Variants in PDE4D observed in about 807,000 individuals in gnomAD.
PDE4D encodes the protein phosphodiesterase 4D, also known as 3',5'-cyclic-AMP phosphodiesterase 4D.
A neutral mutation model predicts 87.4 loss-of-function variants in PDE4D; 24 were observed. The ratio of observed to expected loss-of-function variants is 0.27; its 90% CI spans 0.20 to 0.39. The LOEUF is 0.39. Ranked by LOEUF, PDE4D falls within the 10% of genes least tolerant of loss-of-function variation. The pLI is 1.00. For synonymous variants in PDE4D, 384 were observed against 383.2 expected (o/e 1.00, Z -0.02); for missense variants, 714 against 1,041.0 (o/e 0.69, Z 4.32).
At chr5:60,322,396 ACACACACACACACAC>A (rs1756375815) in intron 1 of PDE4D, among the ~76,000 whole-genome samples, 6 of 150,772 alleles carry the variant, frequency 4.0e-5, no homozygotes, top group Non-Finnish European at 7.4e-5. Flanking sequence ...ACACACACAC[ACACACACACACACAC>A]ACACAAAACC....
intron 4 of PDE4D, among the ~76,000 whole-genome samples, chr5:59,183,342 T>G (rs1351987647): frequency 6.6e-6 from 1 of 152,138 alleles, no homozygotes; most frequent in Non-Finnish European, 1.5e-5. Flanking sequence ...ATTTTCTGTT[T>G]TCTTCTAGCT....
chr5:60,395,163 T>A (rs953574613), intron 1 of PDE4D, among the ~76,000 whole-genome samples: 3 of 152,134 alleles, frequency 2.0e-5, no homozygotes, highest in Non-Finnish European at 2.9e-5. Context: ...CTGAGTTGCA[T>A]AAACCACCCC....
In PDE4D at chr5:60,185,563, GCTCCGAGAAAGCAA is replaced by G; in HGVS notation, c.22_35del (p.Leu8GlnfsTer5). ...GAAAACAAAAGTTACTTACACTTTT[GCTCCGAGAAAGCAA>G]ATCACAGGTATTTCTTTTCATCGTG... On this transcript the variant is annotated frameshift_variant, in exon 2 of 17. Coordinates refer to the PDE4D transcript ENST00000502484. LOFTEE classifies it high-confidence loss of function. 1 of 1,527,636 alleles carries G rather than the reference GCTCCGAGAAAGCAA, an allele frequency of 6.5e-7. No homozygotes were observed. Among genetic ancestry groups the G allele is most frequent in the South Asian group, 1.2e-5 (1 of 83,638 alleles). 94.6% of individuals were successfully genotyped at this position (1,527,636 alleles called of 1,614,324 possible).
intron 1 of PDE4D, among the ~76,000 whole-genome samples, chr5:59,484,254 T>C (rs770009604): frequency 6.6e-6 from 1 of 152,198 alleles, no homozygotes; most frequent in Admixed American, 6.5e-5. Flanking sequence ...CCAAGCCAAA[T>C]GTTTTCATCT....
At chr5:59,021,356 T>C (rs1251143580) in intron 6 of PDE4D, among the ~76,000 whole-genome samples, 1 of 152,188 alleles carries the variant, frequency 6.6e-6, no homozygotes, top group Non-Finnish European at 1.5e-5. Context: ...ATATGCAAGC[T>C]GGTAAGGTCT....
intron 1 of PDE4D, among the ~76,000 whole-genome samples, chr5:59,414,722 C>CAACAA (rs1793291770): frequency 6.6e-6 from 1 of 152,098 alleles, no homozygotes; most frequent in Admixed American, 6.6e-5. Flanking sequence ...ATCGAACAAA[C>CAACAA]AACAAAACAA....
At chr5:60,002,153 G>A (rs1460259724) in intron 2 of PDE4D, among the ~76,000 whole-genome samples, 1 of 151,844 alleles carries the variant, frequency 6.6e-6, no homozygotes, top group Non-Finnish European at 1.5e-5. Context: ...CTCATATTGG[G>A]ACAATAAGAG....
chr5:59,688,863 C>A (rs529744160), intron 1 of PDE4D, among the ~76,000 whole-genome samples: 2 of 151,898 alleles, frequency 1.3e-5, no homozygotes, highest in Admixed American at 1.3e-4. Flanking sequence ...ATCAAATAGA[C>A]GCAATAAAAA....
At chr5:59,616,178 C>G (rs1235142472) in intron 1 of PDE4D, among the ~76,000 whole-genome samples, 1 of 151,652 alleles carries the variant, frequency 6.6e-6, no homozygotes, top group African/African-American at 2.4e-5. Flanking sequence ...GTCCATGTGT[C>G]TTAGTAGTAA....
chr5:59,790,799 T>C (rs752112375), intron 1 of PDE4D, among the ~76,000 whole-genome samples: 1 of 152,240 alleles, frequency 6.6e-6, no homozygotes, highest in Non-Finnish European at 1.5e-5. Flanking sequence ...GACCCTAATA[T>C]GAAAATGTGT....
chr5:59,212,594 T>C (rs1750323787), intron 2 of PDE4D, among the ~76,000 whole-genome samples: 1 of 152,092 alleles, frequency 6.6e-6, no homozygotes, highest in Non-Finnish European at 1.5e-5. Context: ...TGAAATGCTA[T>C]AAGCTTTTCA....
At chr5:60,201,456 TA>T (rs1419144193) in intron 1 of PDE4D, among the ~76,000 whole-genome samples, 1 of 152,064 alleles carries the variant, frequency 6.6e-6, no homozygotes, top group Non-Finnish European at 1.5e-5. Flanking sequence ...AGACTTTTTT[TA>T]AAAAACATGT....
chr5:60,077,704 G>T (rs1179860754), intron 2 of PDE4D, among the ~76,000 whole-genome samples: 1 of 152,136 alleles, frequency 6.6e-6, no homozygotes, highest in Non-Finnish European at 1.5e-5. Flanking sequence ...CTCCACTATA[G>T]GTGCTCCCAC....
chr5:59,836,269 A>C (rs1243622767), intron 1 of PDE4D, among the ~76,000 whole-genome samples: 1 of 152,032 alleles, frequency 6.6e-6, no homozygotes, highest in East Asian at 1.9e-4. Context: ...ACCATGTTTT[A>C]AATGATGGCC....
chr5:59,402,259 A>G (rs561108556), intron 1 of PDE4D, among the ~76,000 whole-genome samples: 2 of 152,336 alleles, frequency 1.3e-5, no homozygotes, highest in South Asian at 2.1e-4. Context: ...ATTATTTTCC[A>G]TAAGTATCCT....
At position 59,893,581 on chromosome 5, in the gene PDE4D, G is replaced by A. The variant is rs781502665; in HGVS notation, c.42C>T (p.Ser14=). Residue 14 remains serine (S), a synonymous_variant, in exon 1 of 15, where the codon AGC becomes AGT. Transcript: ENST00000340635. ...CGCCGGCGCTGTCGCTGCCCTCTCC[G>A]CTGCCCGCCCGGGCCGGCGCGCTGC... ...EGSSAPARAG[S]GEGSDSAGGA... is the part of the protein sequence containing the mutation. 1 of 1,524,220 alleles carries A rather than the reference G, an allele frequency of 6.6e-7. No homozygotes were observed. Among genetic ancestry groups the A allele is most frequent in the South Asian group, 1.2e-5 (1 of 81,432 alleles). The allele number at this position is 1,524,220 out of a possible 1,614,324, so 94.4% of individuals were successfully genotyped here.
chr5:59,723,879 A>G (rs936027300), intron 1 of PDE4D, among the ~76,000 whole-genome samples: 29 of 152,118 alleles, frequency 1.9e-4, no homozygotes, highest in Non-Finnish European at 3.7e-4. Flanking sequence ...AAACAATTTT[A>G]TCCCAAAAAG....
intron 1 of PDE4D, among the ~76,000 whole-genome samples, chr5:60,205,478 A>G (rs1411484090): frequency 6.6e-6 from 1 of 152,104 alleles, no homozygotes; most frequent in Admixed American, 6.5e-5. Flanking sequence ...AGCCTGATCC[A>G]CCTATTATCC....
At chr5:60,442,168 TAGCAA>T (rs1306851469) in intron 1 of PDE4D, among the ~76,000 whole-genome samples, 3 of 152,098 alleles carry the variant, frequency 2.0e-5, no homozygotes, top group African/African-American at 7.2e-5. Flanking sequence ...CTGTTCACAA[TAGCAA>T]AGACTTGGAA....
Sources: allele counts gnomAD v4.1 joint callset (sites outside exome capture counted in the v4.1 genomes callset), GRCh38; gene constraint gnomAD v4.1.1; transcripts MANE v1.5; gene names NCBI Gene and HGNC (gene_info 2026-07-23, HGNC 2026-07-21).